The following THSD7B variants were observed in gnomAD, a reference collection of about 807,000 sequenced individuals.
THSD7B encodes thrombospondin type 1 domain containing 7B, also known as thrombospondin type-1 domain-containing protein 7B.
A neutral mutation model predicts 213.6 loss-of-function variants in THSD7B; 138 were observed. The ratio of observed to expected loss-of-function variants is 0.65; its 90% CI spans 0.56 to 0.74. THSD7B has a LOEUF of 0.74. THSD7B is among the 30% of genes least tolerant of loss of function. The pLI is 0.00. For missense variants in THSD7B, 1,931 were observed against 1,991.5 expected, an observed-to-expected ratio of 0.97 and a Z score of 0.58; for synonymous variants, 742 against 687.0, an observed-to-expected ratio of 1.08 and a Z score of -1.25.
intron 20 of THSD7B, among the ~76,000 whole-genome samples, chr2:137,640,006 C>A (rs987934426): frequency 6.6e-6 from 1 of 152,018 alleles, no homozygotes; most frequent in African/African-American, 2.4e-5. Context: ...CTTTGGGGAA[C>A]TGTTGGGGAG....
chr2:137,494,731 A>C (rs2105127121), intron 15 of THSD7B, among the ~76,000 whole-genome samples: 1 of 152,302 alleles, frequency 6.6e-6, no homozygotes, highest in African/African-American at 2.4e-5. Flanking sequence ...GAGAAAGTTT[A>C]ACTTCCCTGA....
chr2:137,097,955 A>G (rs1025766256), intron 4 of THSD7B, among the ~76,000 whole-genome samples: 1 of 149,374 alleles, frequency 6.7e-6, no homozygotes, highest in Non-Finnish European at 1.5e-5. Context: ...GCAACTAAAC[A>G]TCAGCTAACA....
chr2:137,450,850 A>C lies in THSD7B; in HGVS notation c.2965A>C (p.Ile989Leu), dbSNP rs1382680433. The C allele has an allele frequency of 1.2e-6, 2 of 1,603,318 alleles. No homozygotes were observed. The highest frequency in any genetic ancestry group is 3.4e-5 in the Admixed American group (2 of 58,028). ...DPSFCSSSGY[I>L]QEKCVIPCPF... ...CTTAAATCTTTTTCTGTCAGGTTAC[A>C]TTCAAGAAAAATGTGTCATTCCCTG... is the stretch of plus-strand genomic sequence containing the variant. The change falls in exon 15 of 28, where the codon ATT becomes CTT. Residue 989 changes from isoleucine (I) to leucine (L), a missense_variant. Ile to Leu is a conservative substitution (Grantham distance 5). Coordinates refer to ENST00000409968, the MANE Select transcript of THSD7B (RefSeq NM_001316349.2).
chr2:136,873,999 T>C (rs1334489661), intron 1 of THSD7B, among the ~76,000 whole-genome samples: 1 of 152,198 alleles, frequency 6.6e-6, no homozygotes, highest in Non-Finnish European at 1.5e-5. Context: ...TCAATCTCTT[T>C]TGCATCTAAA....
chr2:137,451,501 T>C (rs928017796), intron 15 of THSD7B, among the ~76,000 whole-genome samples: 3 of 152,068 alleles, frequency 2.0e-5, no homozygotes, highest in Admixed American at 6.5e-5. Context: ...TCATTCTCAA[T>C]CTTGCCAAAT....
chr2:137,242,879 C>T (rs932894642), intron 10 of THSD7B, among the ~76,000 whole-genome samples: 4 of 152,108 alleles, frequency 2.6e-5, no homozygotes, highest in African/African-American at 9.7e-5. Flanking sequence ...CCTTATAAAG[C>T]ATCATCACAA....
intron 15 of THSD7B, 91 bp from the exon 16 acceptor site, chr2:137,563,130 G>T: frequency 7.1e-7 from 1 of 1,400,788 alleles, no homozygotes; most frequent in South Asian, 1.5e-5. Flanking sequence ...AGTTTCTTGG[G>T]TTATGTTCAG....
intron 17 of THSD7B, among the ~76,000 whole-genome samples, chr2:137,607,245 T>G (rs546602811): frequency 1.8e-3 from 269 of 150,738 alleles, no homozygotes; most frequent in African/African-American, 6.1e-3. Context: ...GCACCACCAA[T>G]TATTAAGTTT....
At chr2:137,588,760 CTTTA>C (rs137892635) in intron 17 of THSD7B, among the ~76,000 whole-genome samples, 27,534 of 146,954 alleles carry the variant, frequency 0.19, 3,081 homozygotes, top group South Asian at 0.27. Flanking sequence ...TCATGTTGTC[CTTTA>C]TTTATTTATT....
chr2:136,891,044 CT>C (rs11314438), intron 2 of THSD7B, among the ~76,000 whole-genome samples: 55,162 of 151,210 alleles, frequency 0.36, 11,442 homozygotes, highest in East Asian at 0.97. Context: ...TTATTTTGAA[CT>C]TTTTTTATTT....
At chr2:136,877,848 A>C (rs1322242186) in intron 1 of THSD7B, among the ~76,000 whole-genome samples, 2 of 152,152 alleles carry the variant, frequency 1.3e-5, no homozygotes, top group African/African-American at 4.8e-5. Flanking sequence ...AAAAGAAGGC[A>C]AAAACTGTGG....
intron 14 of THSD7B, among the ~76,000 whole-genome samples, chr2:137,428,410 T>C (rs925726822): frequency 6.6e-6 from 1 of 152,140 alleles, no homozygotes; most frequent in African/African-American, 2.4e-5. Context: ...AAGATAAACA[T>C]AGAATTACCA....
intron 3 of THSD7B, among the ~76,000 whole-genome samples, chr2:137,086,965 G>A (rs1424777018): frequency 2.0e-5 from 3 of 152,184 alleles, no homozygotes; most frequent in Admixed American, 2.0e-4. Flanking sequence ...ACATCATCCT[G>A]TGGATTTGCA....
At chr2:136,997,042 A>G (rs1328552355) in intron 2 of THSD7B, among the ~76,000 whole-genome samples, 1 of 152,236 alleles carries the variant, frequency 6.6e-6, no homozygotes, top group Non-Finnish European at 1.5e-5. Flanking sequence ...AATACAGTGT[A>G]ATAATGTAAT....
At chr2:137,013,708 C>T (rs112126814) in intron 2 of THSD7B, among the ~76,000 whole-genome samples, 1,830 of 152,180 alleles carry the variant, frequency 0.012, 39 homozygotes, top group African/African-American at 0.042. Context: ...TTCTTTAAAA[C>T]CCATCCTCCA....
chr2:136,890,543 T>TCTTCTTCTTC (rs1159580819), intron 2 of THSD7B, among the ~76,000 whole-genome samples: 1 of 100,852 alleles, frequency 9.9e-6, no homozygotes, highest in African/African-American at 3.8e-5. Context: ...TTCTTCTTCT[T>TCTTCTTCTTC]TTTTTTTTTT....
At chr2:136,960,649 C>T (rs1481107154) in intron 2 of THSD7B, among the ~76,000 whole-genome samples, 1 of 152,128 alleles carries the variant, frequency 6.6e-6, no homozygotes. Context: ...CCTTTAGTGT[C>T]AGGCCTTCCC....
chr2:137,086,921 G>A (rs1687852332), intron 3 of THSD7B, among the ~76,000 whole-genome samples: 1 of 152,182 alleles, frequency 6.6e-6, no homozygotes, highest in South Asian at 2.1e-4. Context: ...TTTTACATGT[G>A]TAACACATAG....
Position 136,991,015 on chromosome 2 carries a change from C to T in THSD7B, c.140-65405C>T, listed in dbSNP as rs548754819. On this transcript the variant is annotated intron_variant, in intron 2 of 27. Coordinates refer to ENST00000409968, the MANE Select transcript of THSD7B (RefSeq NM_001316349.2). Reference sequence around the variant, plus strand: ...CTGCTGGCACAGGTGAATACCTGTCCTCCCCAAAAAAGGAGAAAGAAAGAT... The same window carrying T: ...CTGCTGGCACAGGTGAATACCTGTCTTCCCCAAAAAAGGAGAAAGAAAGAT... 4 of 1,151,392 alleles carry T rather than the reference C, an allele frequency of 3.5e-6. No individual in the cohort carries two copies. In the Admixed American group the frequency reaches 7.3e-5, roughly 21 times the overall value. The allele number at this position is 1,151,392 out of a possible 1,614,324, so 71.3% of individuals were successfully genotyped here.
Sources: gnomAD v4.1 joint callset for allele counts (sites outside exome capture counted in the v4.1 genomes callset) on GRCh38, gnomAD v4.1.1 for gene constraint, MANE v1.5 for transcripts, NCBI Gene and HGNC (gene_info 2026-07-23, HGNC 2026-07-21) for gene names.